LMAN2L: variants seen among roughly 807,000 people sequenced by gnomAD.
LMAN2L encodes VIP36-like protein.
Under a neutral mutation model 44.3 loss-of-function variants are expected in LMAN2L, and 30 were observed. The observed-to-expected ratio is 0.68, with a 90% CI of 0.51 to 0.92. The LOEUF (loss-of-function observed/expected upper bound fraction) is 0.92, where lower values mean the gene tolerates loss of function less well. Ranked by LOEUF, LMAN2L falls within the 40% of genes least tolerant of loss-of-function variation. LMAN2L has a pLI of 0.00. For synonymous variants in LMAN2L, 183 were observed against 171.1 expected, an observed-to-expected ratio of 1.07 and a Z score of -0.54; for missense variants, 429 against 446.1, an observed-to-expected ratio of 0.96 and a Z score of 0.35.
chr2:96,707,628 G>T, intron 7 of LMAN2L, 86 bp downstream of exon 7: 1 of 1,511,956 alleles, frequency 6.6e-7, no homozygotes, highest in African/African-American at 1.4e-5. Context: ...AGAACACAGA[G>T]CAGAGACCGC....
intron 4 of LMAN2L, among the ~76,000 whole-genome samples, chr2:96,724,858 G>A (rs1248893132): frequency 1.3e-5 from 2 of 151,482 alleles, no homozygotes; most frequent in African/African-American, 2.4e-5. Context: ...TTTTGATGGA[G>A]TCTTGCTCTG....
chr2:96,735,655 G>A (rs191338781), intron 2 of LMAN2L, among the ~76,000 whole-genome samples: 12 of 152,182 alleles, frequency 7.9e-5, no homozygotes, highest in African/African-American at 2.4e-4. Flanking sequence ...TGGCTAACAC[G>A]GTGAAACCCC....
At chr2:96,716,039 T>A (rs1281375244) in intron 4 of LMAN2L, among the ~76,000 whole-genome samples, 1 of 152,236 alleles carries the variant, frequency 6.6e-6, no homozygotes, top group Non-Finnish European at 1.5e-5. Context: ...TATTTCTAGA[T>A]ACAAATATCG....
intron 6 of LMAN2L, among the ~76,000 whole-genome samples, chr2:96,710,536 C>T (rs985227004): frequency 3.9e-5 from 6 of 152,002 alleles, no homozygotes; most frequent in Non-Finnish European, 7.4e-5. Context: ...CGTGGTGGCG[C>T]GCCTGTAGTC....
At chr2:96,732,390 A>G (rs906489280) in intron 4 of LMAN2L, among the ~76,000 whole-genome samples, 1 of 151,180 alleles carries the variant, frequency 6.6e-6, no homozygotes, top group Non-Finnish European at 1.5e-5. Flanking sequence ...TCACGCCTGT[A>G]ATCCCAGCAC....
intron 4 of LMAN2L, among the ~76,000 whole-genome samples, chr2:96,721,305 C>T (rs1018829569): frequency 4.0e-4 from 58 of 145,430 alleles, no homozygotes; most frequent in Admixed American, 1.1e-3. Flanking sequence ...GAGCACATAT[C>T]GATACTTAAT....
rs536760978 is a variant in LMAN2L, at chr2:96,728,083, T to C, written c.507+5436A>G. ...CCTTTATGTATATTGAAGTAAACCA[T>C]GCCACTGACAAACACATTTGATTTT... is the stretch of plus-strand genomic sequence containing the variant. On this transcript the variant is annotated intron_variant, in intron 4 of 7. Coordinates refer to ENST00000264963, the MANE Select transcript of LMAN2L (RefSeq NM_030805.4). Among the ~76,000 whole-genome samples the C allele has an allele frequency of 2.0e-5, 3 of 152,350 alleles. No individual in the cohort carries two copies. The East Asian group carries it at 5.8e-4, about 29-fold the overall frequency.
intron 3 of LMAN2L, 118 bp downstream of exon 3, chr2:96,734,291 C>T: frequency 1.4e-6 from 1 of 730,432 alleles, no homozygotes; most frequent in Middle Eastern, 3.8e-4. Context: ...TGTTCATCCA[C>T]ATACATTAAG....
At chr2:96,707,513 G>A in intron 7 of LMAN2L, 115 bp from the exon 8 acceptor site, 1 of 1,308,214 alleles carries the variant, frequency 7.6e-7, no homozygotes, top group Non-Finnish European at 1.0e-6. Flanking sequence ...GGAAGCCAGA[G>A]CTTAGACCCC....
chr2:96,723,253 T>C (rs757227905), intron 4 of LMAN2L, among the ~76,000 whole-genome samples: 1 of 152,340 alleles, frequency 6.6e-6, no homozygotes, highest in East Asian at 1.9e-4. Context: ...GGGTGTAAAG[T>C]AGTGTCTTAT....
chr2:96,735,825 G>T (rs1028275247), intron 2 of LMAN2L, among the ~76,000 whole-genome samples: 1 of 149,774 alleles, frequency 6.7e-6, no homozygotes, highest in African/African-American at 2.5e-5. Context: ...GCGACAGAGC[G>T]AGACTCCATC....
rs2153319324 is a variant in LMAN2L at position 96,707,589 on chromosome 2, G to C, written c.904+125C>G. On this transcript the variant is annotated intron_variant, in intron 7 of 7. Coordinates refer to ENST00000264963, the MANE Select transcript of LMAN2L (RefSeq NM_030805.4). ...ATCTGTAACTTGAAGGGGAAAGGCA[G>C]ATGAAAGTGCTCCCTACCCTTCAGA... 1.3e-5 allele frequency: 17 copies of C among 1,319,828 alleles called. No individual in the cohort carries two copies. The South Asian group carries it at 2.1e-4, about 16-fold the overall frequency. The allele number at this position is 1,319,828 out of a possible 1,614,324, so 81.8% of individuals were successfully genotyped here.
chr2:96,738,742 CT>C (rs1198674962), intron 1 of LMAN2L, among the ~76,000 whole-genome samples: 110 of 145,944 alleles, frequency 7.5e-4, no homozygotes, highest in Admixed American at 8.9e-4. Flanking sequence ...CACATTCTTC[CT>C]TTTTTTTTTT....
chr2:96,728,597 G>A (rs1315840460), intron 4 of LMAN2L, among the ~76,000 whole-genome samples: 2 of 150,676 alleles, frequency 1.3e-5, no homozygotes, highest in African/African-American at 2.4e-5. Context: ...AATCCTAGCA[G>A]TTTGGGAGGC....
chr2:96,737,450 G>C (rs1210443106), intron 2 of LMAN2L, among the ~76,000 whole-genome samples: 27 of 152,164 alleles, frequency 1.8e-4, no homozygotes, highest in Admixed American at 1.7e-3. Context: ...AAGAGTTTGA[G>C]ACCAGCCTGG....
At chr2:96,716,645 C>T (rs151074344) in intron 4 of LMAN2L, among the ~76,000 whole-genome samples, 1 of 152,238 alleles carries the variant, frequency 6.6e-6, no homozygotes, top group African/African-American at 2.4e-5. Flanking sequence ...AGTAATGAGC[C>T]CTTCTGCATT....
intron 1 of LMAN2L, 120 bp downstream of exon 1, chr2:96,739,734 C>T: frequency 9.8e-7 from 1 of 1,023,384 alleles, no homozygotes; most frequent in Non-Finnish European, 1.5e-6. Flanking sequence ...CTCCGTGGGC[C>T]CCACCACCGC....
In LMAN2L at chr2:96,738,074, G is replaced by A; in HGVS notation, c.188-7C>T. 1 of 1,587,640 alleles carries A rather than the reference G, an allele frequency of 6.3e-7. No homozygotes were observed. The highest frequency in any genetic ancestry group is 8.7e-7 in the Non-Finnish European group (1 of 1,155,996). On this transcript the variant is annotated splice_polypyrimidine_tract_variant and splice_region_variant and intron_variant, in intron 1 of 7. Transcript: ENST00000264963. ...GAACTGCCTGTGCCCACACCTACAG[G>A]AAGGAAGTAGATCAGTTCATACTTT... is the stretch of plus-strand genomic sequence containing the variant.
chr2:96,709,393 C>G (rs2077862868), intron 6 of LMAN2L, among the ~76,000 whole-genome samples: 2 of 152,152 alleles, frequency 1.3e-5, no homozygotes, highest in Admixed American at 1.3e-4. Flanking sequence ...TCAGCCATTT[C>G]TCAAGGAAGC....
Sources: allele counts gnomAD v4.1 joint callset (sites outside exome capture counted in the v4.1 genomes callset), GRCh38; gene constraint gnomAD v4.1.1; transcripts MANE v1.5; gene names NCBI Gene and HGNC (gene_info 2026-07-23, HGNC 2026-07-21).